Variants in AKNA observed in about 807,000 individuals in gnomAD.
AKNA encodes AT-hook transcription factor.
Under a neutral mutation model 138.8 loss-of-function variants are expected in AKNA, and 67 were observed. That is an observed-to-expected ratio of 0.48 (90% CI 0.40 to 0.59). The LOEUF is 0.59. Among genes scored for constraint, AKNA ranks in the 20% least tolerant of loss-of-function variants. The probability of loss-of-function intolerance (pLI) is 0.00; values close to 1 mark genes in which losing one functional copy is unlikely to be tolerated. For missense variants in AKNA, 1,813 were observed against 1,880.4 expected (o/e 0.96, Z 0.66); for synonymous variants, 737 against 754.4 (o/e 0.98, Z 0.38).
intron 1 of AKNA, among the ~76,000 whole-genome samples, chr9:114,384,706 A>G (rs538786197): frequency 2.6e-5 from 4 of 152,380 alleles, no homozygotes; most frequent in East Asian, 3.8e-4. Flanking sequence ...CATATAAGAC[A>G]GAAAATATGC....
chr9:114,377,753 G>T (rs1833350771), intron 2 of AKNA: 1 of 568,302 alleles, frequency 1.8e-6, no homozygotes, highest in Non-Finnish European at 3.1e-6. Context: ...CCGGTGGATG[G>T]TCCCTCCAGT....
At chr9:114,394,603 C>T (rs1427345338), upstream of AKNA, among the ~76,000 whole-genome samples, 2 of 152,206 alleles carry the variant, frequency 1.3e-5, no homozygotes, top group East Asian at 1.9e-4. Flanking sequence ...AAGCAATCAG[C>T]GCCCAGCCTC....
chr9:114,343,753 T>C lies in AKNA; in HGVS notation c.3712A>G (p.Thr1238Ala). The C allele has an allele frequency of 1.2e-6, 2 of 1,614,172 alleles. No homozygotes were observed. The highest frequency in any genetic ancestry group is 2.2e-5 in the East Asian group (1 of 44,888). Reference sequence around the variant, plus strand: ...GGCCGGCAGTGGGGACAGGAGACTGTGCCATTGCCTTTTGGGACCGCCTTA... The same window carrying C: ...GGCCGGCAGTGGGGACAGGAGACTGCGCCATTGCCTTTTGGGACCGCCTTA... ...SPKAVPKGNG[T>A]VSCPHCRPIR... The change falls in exon 19 of 22, where the codon ACA (threonine) becomes GCA (alanine). Residue 1238 changes from threonine to alanine, a missense_variant. Thr to Ala is a moderately conservative substitution (Grantham distance 58). Transcript: ENST00000374088.
chr9:114,359,828 G>C (rs1473138739), intron 10 of AKNA, 34 bp from the exon 11 acceptor site: 1 of 1,611,794 alleles, frequency 6.2e-7, no homozygotes, highest in South Asian at 1.1e-5. Context: ...CATGACCTCT[G>C]CCCAGTGGGG....
chr9:114,391,520 T>C (rs958389085), upstream of AKNA, among the ~76,000 whole-genome samples: 2 of 152,070 alleles, frequency 1.3e-5, no homozygotes, highest in African/African-American at 4.8e-5. Flanking sequence ...AAGAGATTCG[T>C]TCCTGGTCAC....
Position 114,343,820 on chromosome 9 carries a change from G to C in AKNA, c.3662-17C>G, listed in dbSNP as rs1472184520. On this transcript the variant is annotated splice_polypyrimidine_tract_variant and intron_variant, in intron 18 of 21. Transcript: ENST00000374088. ...ATTCGTGGCCTGGGGAAAGAAACCA[G>C]AACTGTCAGTATCAGCCCTGTGGAT... 1.9e-6 allele frequency: 3 copies of C among 1,598,658 alleles called. No individual in the cohort carries two copies. Among genetic ancestry groups the C allele is most frequent in the South Asian group, 2.2e-5 (2 of 90,500 alleles).
downstream of AKNA, chr9:114,330,786 C>A: frequency 1.9e-6 from 3 of 1,613,648 alleles, no homozygotes; most frequent in Non-Finnish European, 1.7e-6. Flanking sequence ...TTCTGGTTGA[C>A]TTTAGCCAGA....
In AKNA at chr9:114,376,997, G is replaced by C. The variant is rs78559584; in HGVS notation, c.810C>G (p.Ala270=). Reference sequence around the variant, plus strand: ...TATCTGTGGCATGCTGCGGACTCTGGGCTGGGGGAGCTGAGGAGTCCTGGA... The same window carrying C: ...TATCTGTGGCATGCTGCGGACTCTGCGCTGGGGGAGCTGAGGAGTCCTGGA... ...MEFQDSSAPP[A]QSPQHATDRW... is the part of the protein sequence containing the mutation. The change falls in exon 3 of 22, where the codon GCC becomes GCG. Residue 270 remains alanine (A), a synonymous_variant. Coordinates refer to ENST00000374088, the MANE Select transcript of AKNA (RefSeq NM_001317950.2). 1,117 of 1,614,214 alleles carry C rather than the reference G, an allele frequency of 6.9e-4. 13 individuals carry two copies. The African/African-American group carries it at 0.013, about 19-fold the overall frequency.
chr9:114,341,520 T>C lies in AKNA; in HGVS notation c.4067+13A>G. 1 of 1,613,844 alleles carries C rather than the reference T, an allele frequency of 6.2e-7. No individual in the cohort carries two copies. Among genetic ancestry groups the C allele is most frequent in the Non-Finnish European group, 8.5e-7 (1 of 1,179,960 alleles). On this transcript the variant is annotated intron_variant, in intron 21 of 21. Coordinates refer to ENST00000374088, the MANE Select transcript of AKNA (RefSeq NM_001317950.2). ...TAGAAAGAGGCTGGGAAGGTCAGAA[T>C]GAAGGCTCTTACACAGCGGCAGGTG...
upstream of AKNA, among the ~76,000 whole-genome samples, chr9:114,391,539 G>C (rs991220051): frequency 6.6e-6 from 1 of 152,162 alleles, no homozygotes; most frequent in African/African-American, 2.4e-5. Context: ...ACCCAGAAAA[G>C]AAACAACAAC....
chr9:114,356,708 T>C (rs759951905), intron 13 of AKNA, among the ~76,000 whole-genome samples, 155 bp downstream of exon 13: 1 of 152,230 alleles, frequency 6.6e-6, no homozygotes, highest in Admixed American at 6.5e-5. Context: ...CCTCTGTCCA[T>C]AACACAGGAA....
intron 13 of AKNA, 115 bp from the exon 14 acceptor site, chr9:114,356,251 T>G: frequency 1.1e-6 from 1 of 942,402 alleles, no homozygotes; most frequent in Non-Finnish European, 1.6e-6. Context: ...TTTGTAACTT[T>G]GCATCTCGGG....
At chr9:114,350,298 AC>A (rs1831015340) in intron 15 of AKNA, among the ~76,000 whole-genome samples, 1 of 152,198 alleles carries the variant, frequency 6.6e-6, no homozygotes. Context: ...TGGCTGGGCC[AC>A]CACCGAGCAG....
chr9:114,348,529 C>T (rs1830866681), intron 15 of AKNA, among the ~76,000 whole-genome samples: 1 of 152,238 alleles, frequency 6.6e-6, no homozygotes, highest in Non-Finnish European at 1.5e-5. Context: ...CTCGATGCTT[C>T]CTAGCACCAC....
In AKNA at chr9:114,360,128, C is replaced by T. The variant is rs1377255685; in HGVS notation, c.2125-66G>A. On this transcript the variant is annotated intron_variant, in intron 9 of 21. Coordinates refer to ENST00000374088, the MANE Select transcript of AKNA (RefSeq NM_001317950.2). ...GTTAAACACCACTTTTAAGCACTTA[C>T]CTCCTGCCAGGCTCGAGCTGTGGGC... 4 of 1,603,708 alleles carry T rather than the reference C, an allele frequency of 2.5e-6. No individual in the cohort carries two copies. In the African/African-American group the frequency reaches 4.0e-5, roughly 16 times the overall value.
rs1833325820 is a variant in AKNA, at chr9:114,377,444, A to C, written c.363T>G (p.Thr121=). The part of the protein sequence containing the change: ...LPQQGRQLDM[T]EEEPDGTLGS... The stretch of plus-strand genomic sequence containing the variant: ...CGAGGGTCCCATCTGGCTCCTCTTC[A>C]GTCATGTCCAGCTGACGGCCCTGCT... Residue 121 remains threonine, a synonymous_variant, in exon 3 of 22, where the codon ACT becomes ACG. Transcript: ENST00000374088. 6.2e-7 allele frequency: 1 copy of C among 1,613,460 alleles called. No individual in the cohort carries two copies. The highest frequency in any genetic ancestry group is 1.3e-5 in the African/African-American group (1 of 74,878).
chr9:114,359,743 TTCC>T lies in AKNA; in HGVS notation c.2340_2342del (p.Glu782del), dbSNP rs754659401. ...CTTCCTCCTCCTCCTCCTCTCCTTCTTCCTCCTCCTCCATTCTCATGGCTTCTG... is the reference window on the plus strand; with the variant it reads ...CTTCCTCCTCCTCCTCCTCTCCTTCTTCCTCCTCCATTCTCATGGCTTCTG... On this transcript the variant is annotated inframe_deletion, in exon 11 of 22. Transcript: ENST00000374088. 14 of 1,604,370 alleles carry T rather than the reference TTCC, an allele frequency of 8.7e-6. No individual in the cohort carries two copies. The highest frequency in any genetic ancestry group is 1.0e-5 in the Non-Finnish European group (12 of 1,175,134).
At chr9:114,346,832 G>A (rs755708881) in intron 16 of AKNA, 48 bp from the exon 17 acceptor site, 1 of 1,501,128 alleles carries the variant, frequency 6.7e-7, no homozygotes, top group Non-Finnish European at 9.2e-7. Context: ...GTTTTGTGTG[G>A]CCTTTAAAGG....
chr9:114,381,587 G>GCCATCCTGCCTGT, intron 1 of AKNA, 141 bp from the exon 2 acceptor site: 1 of 732,580 alleles, frequency 1.4e-6, no homozygotes, highest in Non-Finnish European at 1.9e-6. Context: ...TGTCACCTTG[G>GCCATCCTGCCTGT]GCAAGTCACT....
Sources: allele counts gnomAD v4.1 joint callset (sites outside exome capture counted in the v4.1 genomes callset), GRCh38; gene constraint gnomAD v4.1.1; transcripts MANE v1.5; gene names NCBI Gene and HGNC (gene_info 2026-07-23, HGNC 2026-07-21).